Variants in EPHA6 observed in about 807,000 individuals in gnomAD.
EPHA6 encodes the protein ephrin type-A receptor 6.
Under a neutral mutation model 112.0 loss-of-function variants are expected in EPHA6, and 50 were observed. That is an observed-to-expected ratio of 0.45 (90% CI 0.36 to 0.56). The LOEUF is 0.56. Ranked by LOEUF, EPHA6 falls within the 20% of genes least tolerant of loss-of-function variation. The probability of loss-of-function intolerance (pLI) is 0.00; values close to 1 mark genes in which losing one functional copy is unlikely to be tolerated. For missense variants in EPHA6, 1,280 were observed against 1,417.4 expected (o/e 0.90, Z 1.56); for synonymous variants, 529 against 490.7 (o/e 1.08, Z -1.03).
chr3:97,297,640 A>T (rs541312283), intron 5 of EPHA6, among the ~76,000 whole-genome samples: 1 of 152,204 alleles, frequency 6.6e-6, no homozygotes, highest in Non-Finnish European at 1.5e-5. Flanking sequence ...ATATCTCAAG[A>T]TGGATTAACT....
intron 3 of EPHA6, among the ~76,000 whole-genome samples, chr3:97,037,072 T>C (rs1406217776): frequency 4.6e-5 from 7 of 152,092 alleles, no homozygotes; most frequent in African/African-American, 1.7e-4. Flanking sequence ...AAACTACCGT[T>C]GACTTAAAAG....
At chr3:97,065,954 G>T (rs1252105136) in intron 3 of EPHA6, among the ~76,000 whole-genome samples, 2 of 151,758 alleles carry the variant, frequency 1.3e-5, no homozygotes, top group Admixed American at 1.3e-4. Context: ...ATTAATGAAT[G>T]GTAATTGAGA....
At chr3:97,291,957 C>T (rs2080699537) in intron 5 of EPHA6, among the ~76,000 whole-genome samples, 1 of 152,208 alleles carries the variant, frequency 6.6e-6, no homozygotes, top group Non-Finnish European at 1.5e-5. Context: ...GCGTGGATCC[C>T]ATACCTGCCA....
At chr3:97,543,412 C>T (rs552179119) in intron 11 of EPHA6, among the ~76,000 whole-genome samples, 3 of 152,190 alleles carry the variant, frequency 2.0e-5, no homozygotes, top group Admixed American at 6.5e-5. Context: ...TGTAGATATG[C>T]AGCATTATTT....
intron 5 of EPHA6, among the ~76,000 whole-genome samples, chr3:97,360,411 G>A (rs2108931123): frequency 6.6e-6 from 1 of 152,250 alleles, no homozygotes; most frequent in South Asian, 2.1e-4. Flanking sequence ...TCTGTATAAT[G>A]ATATTTGGTA....
At chr3:97,341,878 T>A (rs2083323152) in intron 5 of EPHA6, among the ~76,000 whole-genome samples, 1 of 152,148 alleles carries the variant, frequency 6.6e-6, no homozygotes, top group Non-Finnish European at 1.5e-5. Flanking sequence ...AGAAAAAGTA[T>A]ACTGACAGAT....
At chr3:97,606,111 G>T (rs2093678549) in intron 12 of EPHA6, 1 of 151,310 alleles carries the variant, frequency 6.6e-6, no homozygotes, top group South Asian at 2.1e-4. Flanking sequence ...CAAAATAGCG[G>T]AATGAGGCAT....
chr3:97,565,995 G>A (rs192437436), intron 11 of EPHA6, among the ~76,000 whole-genome samples: 5 of 148,460 alleles, frequency 3.4e-5, no homozygotes, highest in East Asian at 2.0e-4. Flanking sequence ...ACTCCAGGCC[G>A]GCAACAGAGC....
At position 97,495,095 on chromosome 3, in the gene EPHA6, G is replaced by T. The variant is rs1025772645; in HGVS notation, c.2200+11036G>T. ...GTTTGCATTTGCTTTTTGAACAGCT[G>T]CCACGCGCTGTTGGCATAGGGAGAG... On this transcript the variant is annotated intron_variant, in intron 10 of 17. Transcript: ENST00000389672. Among the ~76,000 whole-genome samples the T allele has an allele frequency of 2.0e-4, 30 of 152,108 alleles. 1 individual carries two copies. Among genetic ancestry groups the T allele is most frequent in the Admixed American group, 6.6e-4 (10 of 15,264 alleles).
chr3:96,819,471 G>T (rs79527324), intron 1 of EPHA6, among the ~76,000 whole-genome samples: 2,202 of 151,882 alleles, frequency 0.014, 60 homozygotes, highest in African/African-American at 0.05. Context: ...ATACACAAAT[G>T]CTTCTGACTG....
At chr3:97,504,274 CAA>C (rs1454272843) in intron 10 of EPHA6, among the ~76,000 whole-genome samples, 1 of 152,082 alleles carries the variant, frequency 6.6e-6, no homozygotes, top group Non-Finnish European at 1.5e-5. Context: ...AGCCTGGACA[CAA>C]AGGCTAAGGT....
intron 2 of EPHA6, among the ~76,000 whole-genome samples, chr3:96,939,312 G>C (rs567173223): frequency 2.0e-4 from 31 of 152,246 alleles, no homozygotes; most frequent in African/African-American, 7.2e-4. Flanking sequence ...CAGACATTCA[G>C]CTTCTTCCTG....
chr3:97,685,869 CA>C (rs1372230554), intron 14 of EPHA6, among the ~76,000 whole-genome samples: 2 of 152,110 alleles, frequency 1.3e-5, no homozygotes, highest in African/African-American at 4.8e-5. Context: ...ACACAATAAT[CA>C]AATGCAAATC....
chr3:97,333,468 C>CTTTTTTTTTTTTTTTTT (rs869258362), intron 5 of EPHA6, among the ~76,000 whole-genome samples: 1 of 75,856 alleles, frequency 1.3e-5, no homozygotes, highest in African/African-American at 5.7e-5. Flanking sequence ...TATGGCTTTT[C>CTTTTTTTTTTTTTTTTT]TTTTTTTTTT....
chr3:97,625,631 G>A (rs1316152496), intron 13 of EPHA6, among the ~76,000 whole-genome samples: 1 of 151,458 alleles, frequency 6.6e-6, no homozygotes, highest in Non-Finnish European at 1.5e-5. Flanking sequence ...TGAAATGTTT[G>A]TCTGTCTGTT....
chr3:97,228,418 G>A (rs998877379), intron 4 of EPHA6, among the ~76,000 whole-genome samples: 1 of 151,966 alleles, frequency 6.6e-6, no homozygotes. Flanking sequence ...TATGATGTTT[G>A]GTTTGCCATT....
At chr3:96,986,780 C>T (rs184185392) in intron 2 of EPHA6, among the ~76,000 whole-genome samples, 7 of 152,146 alleles carry the variant, frequency 4.6e-5, no homozygotes, top group African/African-American at 1.7e-4. Flanking sequence ...AAATATTTAT[C>T]GAATAAGCCT....
intron 13 of EPHA6, among the ~76,000 whole-genome samples, chr3:97,630,722 C>A (rs991592243): frequency 3.3e-5 from 5 of 152,020 alleles, no homozygotes; most frequent in African/African-American, 1.2e-4. Context: ...AGAAAGAGGC[C>A]TGGAAGTTTC....
intron 5 of EPHA6, among the ~76,000 whole-genome samples, chr3:97,295,562 T>A (rs1576868664): frequency 2.0e-5 from 3 of 152,162 alleles, no homozygotes; most frequent in African/African-American, 7.2e-5. Context: ...GAATTTTTTT[T>A]TTTTTACTTT....
Sources: allele counts gnomAD v4.1 joint callset (sites outside exome capture counted in the v4.1 genomes callset), GRCh38; gene constraint gnomAD v4.1.1; transcripts MANE v1.5; gene names NCBI Gene and HGNC (gene_info 2026-07-23, HGNC 2026-07-21).